TBC1D1: variants seen among roughly 807,000 people sequenced by gnomAD.
TBC1D1 encodes TBC1 domain family member 1.
Under a neutral mutation model 125.6 loss-of-function variants are expected in TBC1D1, and 89 were observed. The ratio of observed to expected loss-of-function variants is 0.71; its 90% CI spans 0.60 to 0.85. The LOEUF is 0.85. Ranked by LOEUF, TBC1D1 falls within the 40% of genes least tolerant of loss-of-function variation. The pLI is 0.00. For synonymous variants in TBC1D1, 565 were observed against 564.1 expected, an observed-to-expected ratio of 1.00 and a Z score of -0.02; for missense variants, 1,377 against 1,469.2, an observed-to-expected ratio of 0.94 and a Z score of 1.03.
Position 37,901,984 on chromosome 4 carries a change from C to T in TBC1D1, c.-93-19C>T. The T allele has an allele frequency of 9.3e-7, 1 of 1,078,248 alleles. No homozygotes were observed. The highest frequency in any genetic ancestry group is 1.6e-5 in the South Asian group (1 of 61,098). 66.8% of individuals were successfully genotyped at this position (1,078,248 alleles called of 1,614,324 possible). On this transcript the variant is annotated intron_variant, in intron 1 of 19. Coordinates refer to ENST00000261439, the MANE Select transcript of TBC1D1 (RefSeq NM_015173.4). ...CTATGACTTCATTAAATTCTAATGC[C>T]TCTGGTTTTCTCCCCCAGGTTTCTG...
intron 12 of TBC1D1, among the ~76,000 whole-genome samples, chr4:38,087,241 T>C (rs1416824251): frequency 1.3e-5 from 2 of 152,252 alleles, no homozygotes; most frequent in African/African-American, 4.8e-5. Flanking sequence ...CTTGTATTTT[T>C]GCAGATCCAG....
intron 12 of TBC1D1, among the ~76,000 whole-genome samples, chr4:38,062,378 GTTTTTC>G (rs1426629168): frequency 6.6e-6 from 1 of 151,594 alleles, no homozygotes; most frequent in East Asian, 1.9e-4. Context: ...AAATCTAGAT[GTTTTTC>G]TTTTTCTACA....
chr4:38,044,930 T>C (rs1749103380), intron 9 of TBC1D1, among the ~76,000 whole-genome samples: 1 of 152,226 alleles, frequency 6.6e-6, no homozygotes, highest in African/African-American at 2.4e-5. Context: ...CCTCCTATTT[T>C]TGTAAATAAA....
intron 2 of TBC1D1, among the ~76,000 whole-genome samples, chr4:37,962,553 T>C (rs1730257319): frequency 6.6e-6 from 1 of 152,262 alleles, no homozygotes; most frequent in South Asian, 2.1e-4. Context: ...TATTTATGTA[T>C]GGTTATTAGC....
At chr4:37,900,767 C>T (rs1399987403) in intron 1 of TBC1D1, among the ~76,000 whole-genome samples, 1 of 152,172 alleles carries the variant, frequency 6.6e-6, no homozygotes, top group Non-Finnish European at 1.5e-5. Context: ...ATACATCAAA[C>T]GTGGTTGTTG....
At chr4:38,133,351 C>T (rs997195588) in intron 19 of TBC1D1, 94 bp downstream of exon 21, 2 of 1,169,596 alleles carry the variant, frequency 1.7e-6, no homozygotes, top group African/African-American at 3.1e-5. Flanking sequence ...TTTCCCATGA[C>T]CAGAGGACCT....
intron 2 of TBC1D1, among the ~76,000 whole-genome samples, chr4:38,002,981 C>T (rs1392975386): frequency 6.6e-6 from 1 of 152,194 alleles, no homozygotes; most frequent in Admixed American, 6.5e-5. Flanking sequence ...GTCAGCATAG[C>T]AAGGAAGTCC....
At chr4:37,943,153 G>A (rs1238872807) in intron 2 of TBC1D1, among the ~76,000 whole-genome samples, 3 of 152,184 alleles carry the variant, frequency 2.0e-5, no homozygotes, top group Admixed American at 1.3e-4. Context: ...TAAGAATGTT[G>A]AATATTGGCC....
intron 2 of TBC1D1, among the ~76,000 whole-genome samples, chr4:37,937,976 G>A (rs539278011): frequency 7.2e-5 from 11 of 152,316 alleles, no homozygotes; most frequent in African/African-American, 2.6e-4. Context: ...CAAAATGTGG[G>A]TTCTATTGGA....
intron 12 of TBC1D1, among the ~76,000 whole-genome samples, chr4:38,075,060 C>T (rs1755354653): frequency 6.6e-6 from 1 of 152,110 alleles, no homozygotes; most frequent in Non-Finnish European, 1.5e-5. Flanking sequence ...CGCCTGGCCA[C>T]AGTCAGTAGA....
intron 2 of TBC1D1, among the ~76,000 whole-genome samples, chr4:37,986,069 A>G (rs569665499): frequency 6.6e-6 from 1 of 152,366 alleles, no homozygotes; most frequent in East Asian, 1.9e-4. Context: ...TAAATAAATT[A>G]CTCAGACCTT....
At chr4:37,911,507 G>A (rs1424560860) in intron 2 of TBC1D1, among the ~76,000 whole-genome samples, 1 of 152,162 alleles carries the variant, frequency 6.6e-6, no homozygotes. Context: ...GTGGACTTGA[G>A]TGTGGTTGCT....
chr4:37,961,846 C>T (rs1041705397), intron 2 of TBC1D1, among the ~76,000 whole-genome samples: 1 of 152,202 alleles, frequency 6.6e-6, no homozygotes, highest in Non-Finnish European at 1.5e-5. Flanking sequence ...TCAAAGGATG[C>T]TGTCAGAACT....
At chr4:37,906,806 G>A (rs565855018) in intron 2 of TBC1D1, among the ~76,000 whole-genome samples, 1 of 152,268 alleles carries the variant, frequency 6.6e-6, no homozygotes, top group South Asian at 2.1e-4. Flanking sequence ...TGCTCCACAT[G>A]GAAAAGCTTC....
At chr4:38,057,592 ATTGT>A (rs1477415751) in intron 12 of TBC1D1, among the ~76,000 whole-genome samples, 4 of 152,190 alleles carry the variant, frequency 2.6e-5, no homozygotes, top group Admixed American at 6.5e-5. Flanking sequence ...TCTGAATAAC[ATTGT>A]TTAAGTGTTC....
chr4:37,920,906 T>G (rs551464497), intron 2 of TBC1D1, among the ~76,000 whole-genome samples: 1 of 151,824 alleles, frequency 6.6e-6, no homozygotes, highest in Non-Finnish European at 1.5e-5. Context: ...GCCAGGAGAT[T>G]GAGACCATCC....
chr4:37,956,032 C>CTT (rs61539790), intron 2 of TBC1D1, among the ~76,000 whole-genome samples: 1 of 144,502 alleles, frequency 6.9e-6, no homozygotes. Context: ...TTCAAATAAA[C>CTT]TTTTTTTTTT....
At chr4:37,998,549 G>C (rs1738323002) in intron 2 of TBC1D1, among the ~76,000 whole-genome samples, 1 of 152,084 alleles carries the variant, frequency 6.6e-6, no homozygotes, top group African/African-American at 2.4e-5. Context: ...GCTCTTAGGT[G>C]GTTTTCTCTG....
chr4:37,961,180 A>G, intron 2 of TBC1D1: 1 of 953,984 alleles, frequency 1.0e-6, no homozygotes, highest in South Asian at 1.6e-5. Flanking sequence ...CCTTGTTTCT[A>G]TATTTCTTCC....
Sources: allele counts gnomAD v4.1 joint callset (sites outside exome capture counted in the v4.1 genomes callset), GRCh38; gene constraint gnomAD v4.1.1; transcripts MANE v1.5; gene names NCBI Gene and HGNC (gene_info 2026-07-23, HGNC 2026-07-21).